CACNA1E: variants seen among roughly 807,000 people sequenced by gnomAD.
CACNA1E encodes voltage-dependent R-type calcium channel subunit alpha-1E.
In CACNA1E, 40 loss-of-function variants were observed where a neutral mutation model predicts 259.2. That is an observed-to-expected ratio of 0.15 (90% confidence interval 0.12 to 0.20). CACNA1E has a LOEUF of 0.20. CACNA1E is among the 10% of genes least tolerant of loss of function. The pLI, the probability that CACNA1E is intolerant of heterozygous loss-of-function variation, is 1.00. For missense variants in CACNA1E, 1,874 were observed against 3,040.1 expected (o/e 0.62, Z 9.02); for synonymous variants, 1,104 against 1,138.5 (o/e 0.97, Z 0.61).
rs147185114 is a variant in CACNA1E at position 181,646,010 on chromosome 1, T to G, written c.952-5328T>G. ...TCTGTGAGGGAAGGTGTGAAGTAGT[T>G]GAATCAGTCCCTGGCCTCTTTCCTT... On this transcript the variant is annotated intron_variant, in intron 6 of 47. Transcript: ENST00000367573. Among the ~76,000 whole-genome samples, 917 of 152,312 alleles carry G rather than the reference T, an allele frequency of 6.0e-3. 7 individuals are homozygous for G. The highest frequency in any genetic ancestry group is 1.0e-2 in the Non-Finnish European group (679 of 68,028).
At chr1:181,332,635 G>T (rs564437262) in intron 1 of CACNA1E, among the ~76,000 whole-genome samples, 1 of 152,298 alleles carries the variant, frequency 6.6e-6, no homozygotes, top group African/African-American at 2.4e-5. Context: ...CTTCTAGTTT[G>T]GTGGGTGGGG....
At chr1:181,773,673 A>G (rs1214578402) in intron 37 of CACNA1E, among the ~76,000 whole-genome samples, 2 of 152,180 alleles carry the variant, frequency 1.3e-5, no homozygotes, top group Non-Finnish European at 2.9e-5. Flanking sequence ...ACCAGTAGTC[A>G]AGGGGTGAAA....
At chr1:181,365,015 G>A (rs1282420626) in intron 1 of CACNA1E, among the ~76,000 whole-genome samples, 1 of 152,184 alleles carries the variant, frequency 6.6e-6, no homozygotes, top group Non-Finnish European at 1.5e-5. Flanking sequence ...CCATTGAGGG[G>A]CCTGGGAGGT....
chr1:181,366,206 G>A (rs1654254823), intron 1 of CACNA1E, among the ~76,000 whole-genome samples: 1 of 152,156 alleles, frequency 6.6e-6, no homozygotes, highest in African/African-American at 2.4e-5. Flanking sequence ...TTGGAGGAGA[G>A]TACTGAAGCA....
intron 6 of CACNA1E, among the ~76,000 whole-genome samples, chr1:181,594,130 A>G (rs1652932694): frequency 6.6e-6 from 1 of 151,966 alleles, no homozygotes; most frequent in Non-Finnish European, 1.5e-5. Context: ...AAGGCTAAAA[A>G]TCTATGCTGA....
At chr1:181,672,534 T>A (rs1303714419) in intron 7 of CACNA1E, among the ~76,000 whole-genome samples, 1 of 152,214 alleles carries the variant, frequency 6.6e-6, no homozygotes, top group Non-Finnish European at 1.5e-5. Flanking sequence ...TGTAAACACC[T>A]ATGAATAGGA....
intron 26 of CACNA1E, among the ~76,000 whole-genome samples, chr1:181,750,917 T>G (rs1558344311): frequency 6.6e-6 from 1 of 152,112 alleles, no homozygotes; most frequent in South Asian, 2.1e-4. Flanking sequence ...TTCAATTCGA[T>G]TAAATATCTT....
intron 3 of CACNA1E, among the ~76,000 whole-genome samples, chr1:181,575,940 C>G (rs1650928045): frequency 6.6e-6 from 1 of 152,082 alleles, no homozygotes; most frequent in South Asian, 2.1e-4. Context: ...TTTTTCAGTT[C>G]TATTTTCTAT....
Position 181,793,728 on chromosome 1 carries a change from G to A in CACNA1E, c.5962G>A (p.Asp1988Asn). The A allele has an allele frequency of 6.2e-7, 1 of 1,611,504 alleles. No individual in the cohort carries two copies. The highest frequency in any genetic ancestry group is 8.5e-7 in the Non-Finnish European group (1 of 1,179,334). ...TAACCATGGCATCTACCTTCCTTCG[G>A]ACACCCAGGAGCATGCGGGATCTGG... ...PSNHGIYLPSDTQEHAGSGRA... is the reference protein window; with the variant it reads ...PSNHGIYLPSNTQEHAGSGRA... Residue 1988 changes from aspartate (D) to asparagine (N), a missense_variant, in exon 45 of 48, where the codon GAC becomes AAC. Physicochemically the swap from Asp to Asn is conservative, Grantham distance 23 (BLOSUM62 1). Around this residue, in one of 14 missense-constraint regions of CACNA1E, gnomAD observed 542 missense variants for 587.2 expected, o/e 0.92. Coordinates refer to ENST00000367573, the MANE Select transcript of CACNA1E (RefSeq NM_001205293.3).
chr1:181,503,951 A>G lies in CACNA1E; in HGVS notation c.267-6526A>G, dbSNP rs572007674. 4.0e-4 allele frequency among the ~76,000 whole-genome samples: 61 copies of G among 152,314 alleles called. 1 individual carries two copies. The South Asian group carries it at 8.1e-3, about 20-fold the overall frequency. On this transcript the variant is annotated intron_variant, in intron 1 of 47. Transcript: ENST00000367573. ...CGGAAGGCTTGGATAGCTGTATTTC[A>G]TTCCTGTTCATATGTAAAATGTCTA...
intron 1 of CACNA1E, among the ~76,000 whole-genome samples, chr1:181,338,519 T>TTTTTG (rs1651894101): frequency 6.8e-6 from 1 of 148,000 alleles, no homozygotes; most frequent in Admixed American, 6.7e-5. Flanking sequence ...TTTTTTTTTG[T>TTTTTG]GGCTAAGTTG....
chr1:181,337,011 T>A, intron 1 of CACNA1E, among the ~76,000 whole-genome samples: 1 of 146,742 alleles, frequency 6.8e-6, no homozygotes, highest in African/African-American at 2.5e-5. Flanking sequence ...ATTTTAATTT[T>A]CTTTATATCT....
At position 181,478,124 on chromosome 1, in the gene CACNA1E, T is replaced by C. The variant is rs1476582820; in HGVS notation, c.435-5620T>C. Among the ~76,000 whole-genome samples the C allele has an allele frequency of 3.3e-5, 5 of 152,374 alleles. No individual in the cohort carries two copies. The East Asian group carries it at 9.6e-4, about 29-fold the overall frequency. On this transcript the variant is annotated intron_variant, in intron 2 of 11. Coordinates refer to the CACNA1E transcript ENST00000524607. ...GTGCACTTGGACAAGTCCCTGACTC[T>C]CTGGGTGTTCAGATAACAGGATGTG...
chr1:181,717,173 C>T lies in CACNA1E; in HGVS notation c.1396C>T (p.Arg466Cys). Residue 466 changes from arginine (R) to cysteine (C), a missense_variant, in exon 11 of 48, where the codon CGC becomes TGC. Physicochemically the swap from Arg to Cys is radical, Grantham distance 180 (BLOSUM62 -3). Transcript: ENST00000367573. ...SYFRHKERLLRISIRHMVKSQ... is the reference protein window; with the variant it reads ...SYFRHKERLLCISIRHMVKSQ... Reference sequence around the variant, plus strand: ...TTTCCGGCACAAGGAAAGGCTTCTGCGCATCTCCATTCGCCACATGGTTAA... The same window carrying T: ...TTTCCGGCACAAGGAAAGGCTTCTGTGCATCTCCATTCGCCACATGGTTAA... The T allele has an allele frequency of 1.2e-6, 2 of 1,613,998 alleles. No homozygotes were observed. Among genetic ancestry groups the T allele is most frequent in the South Asian group, 1.1e-5 (1 of 91,086 alleles).
chr1:181,512,643 A>G (rs1666251399), intron 3 of CACNA1E, among the ~76,000 whole-genome samples: 2 of 152,224 alleles, frequency 1.3e-5, no homozygotes, highest in South Asian at 2.1e-4. Flanking sequence ...TTTAATCTTT[A>G]CACCATTGGG....
chr1:181,604,839 C>T (rs989347692), intron 6 of CACNA1E, among the ~76,000 whole-genome samples: 4 of 152,036 alleles, frequency 2.6e-5, no homozygotes, highest in African/African-American at 9.7e-5. Context: ...CTTAACCTAG[C>T]GGGGAGTTTC....
At chr1:181,329,007 T>G (rs749674193) in intron 1 of CACNA1E, among the ~76,000 whole-genome samples, 4 of 152,194 alleles carry the variant, frequency 2.6e-5, no homozygotes, top group Non-Finnish European at 5.9e-5. Context: ...ATCTTTCCAC[T>G]GGGTGGTCTC....
At chr1:181,734,432 C>T (rs1381839652) in intron 21 of CACNA1E, among the ~76,000 whole-genome samples, 1 of 149,984 alleles carries the variant, frequency 6.7e-6, no homozygotes, top group Non-Finnish European at 1.5e-5. Flanking sequence ...TCCCTGTATT[C>T]ATCCTACCCC....
At chr1:181,735,600 C>T (rs991016313) in intron 21 of CACNA1E, among the ~76,000 whole-genome samples, 10 of 152,250 alleles carry the variant, frequency 6.6e-5, no homozygotes, top group African/African-American at 2.2e-4. Context: ...CTGGCTCCTT[C>T]GTCCTCCCAA....
Sources: gnomAD v4.1 joint callset for allele counts (sites outside exome capture counted in the v4.1 genomes callset) on GRCh38, gnomAD v4.1.1 for gene constraint, gnomAD v4.1.1 regional missense constraint, MANE v1.5 for transcripts, NCBI Gene and HGNC (gene_info 2026-07-23, HGNC 2026-07-21) for gene names.